CSNK2A1: variants seen among roughly 807,000 people sequenced by gnomAD.
CSNK2A1 encodes the protein casein kinase II subunit alpha.
Under a neutral mutation model 62.9 loss-of-function variants are expected in CSNK2A1, and 10 were observed. The ratio of observed to expected loss-of-function variants is 0.16; its 90% CI spans 0.10 to 0.27. CSNK2A1 has a LOEUF of 0.27. Among genes scored for constraint, CSNK2A1 ranks in the 10% least tolerant of loss-of-function variants. The probability of loss-of-function intolerance (pLI) is 1.00; values close to 1 mark genes in which losing one functional copy is unlikely to be tolerated. For missense variants in CSNK2A1, 160 were observed against 492.0 expected (o/e 0.33, Z 6.38); for synonymous variants, 124 against 167.8 (o/e 0.74, Z 2.02).
At chr20:515,062 C>T (rs2018799867) in intron 2 of CSNK2A1, among the ~76,000 whole-genome samples, 1 of 152,194 alleles carries the variant, frequency 6.6e-6, no homozygotes, top group Non-Finnish European at 1.5e-5. Context: ...GTGACCCATA[C>T]ATATTGTTTT....
intron 1 of CSNK2A1, among the ~76,000 whole-genome samples, chr20:529,998 C>T (rs2019180212): frequency 6.6e-6 from 1 of 152,098 alleles, no homozygotes; most frequent in East Asian, 1.9e-4. Flanking sequence ...GAGATAAAAT[C>T]CATGTAACAT....
intron 1 of CSNK2A1, among the ~76,000 whole-genome samples, chr20:542,076 T>A (rs1235202963): frequency 1.3e-5 from 2 of 152,162 alleles, no homozygotes; most frequent in African/African-American, 4.8e-5. Flanking sequence ...CTGTCTACAG[T>A]CAAATTCTTG....
In CSNK2A1 at chr20:476,104, T is replaced by C. The variant is rs373536446; in HGVS notation, c.*7857A>G. On this transcript the variant is annotated 3_prime_UTR_variant, in exon 14 of 14. Coordinates refer to ENST00000217244, the MANE Select transcript of CSNK2A1 (RefSeq NM_177559.3). The stretch of plus-strand genomic sequence containing the variant: ...TGCAAAAGCAGCCCCACAAGCAAAA[T>C]TGAGCCAGGAGACAGGGTTCTGATC... 4 of 152,242 alleles carry C rather than the reference T, an allele frequency of 2.6e-5. No homozygotes were observed. Among genetic ancestry groups the C allele is most frequent in the Non-Finnish European group, 1.5e-5 (1 of 68,080 alleles). 9.4% of individuals were successfully genotyped at this position (152,242 alleles called of 1,614,324 possible).
chr20:490,427 T>C (rs1382548313), intron 9 of CSNK2A1, among the ~76,000 whole-genome samples: 1 of 147,302 alleles, frequency 6.8e-6, no homozygotes, highest in East Asian at 2.0e-4. Flanking sequence ...TTTTTTTTTT[T>C]TGAGACAGAG....
intron 12 of CSNK2A1, 38 bp from the exon 13 acceptor site, chr20:486,500 T>C: frequency 6.2e-7 from 1 of 1,609,406 alleles, no homozygotes; most frequent in African/African-American, 1.3e-5. Flanking sequence ...CTGTTTTGCT[T>C]GAAAGATTAA....
chr20:486,722 C>T (rs1448273716), intron 12 of CSNK2A1: 12 of 402,792 alleles, frequency 3.0e-5, no homozygotes, highest in South Asian at 9.4e-5. Flanking sequence ...TATAGCAGAG[C>T]GAATTTAATG....
chr20:532,672 C>G (rs1279001434), intron 1 of CSNK2A1, among the ~76,000 whole-genome samples: 2 of 152,142 alleles, frequency 1.3e-5, no homozygotes, highest in Non-Finnish European at 2.9e-5. Flanking sequence ...TTGAGAAATT[C>G]TAGTTTAAAT....
intron 13 of CSNK2A1, among the ~76,000 whole-genome samples, chr20:484,694 TTGTGTG>T (rs3055006): frequency 1.8e-4 from 26 of 147,708 alleles, no homozygotes; most frequent in South Asian, 6.4e-4. Flanking sequence ...AATCATGTTT[TTGTGTG>T]TGTGTGTGTG....
At chr20:503,184 G>A (rs974096323) in intron 4 of CSNK2A1, 16 of 294,782 alleles carry the variant, frequency 5.4e-5, no homozygotes, top group Non-Finnish European at 7.5e-5. Context: ...CATTCTCATC[G>A]CCCAGGCTGG....
intron 1 of CSNK2A1, among the ~76,000 whole-genome samples, chr20:540,559 G>C (rs924885986): frequency 4.6e-5 from 7 of 152,006 alleles, no homozygotes; most frequent in Non-Finnish European, 7.4e-5. Flanking sequence ...TTTTTTGACA[G>C]GGTCTCACTC....
intron 1 of CSNK2A1, chr20:540,890 G>A (rs765745826): frequency 5.9e-5 from 9 of 152,252 alleles, no homozygotes; most frequent in Non-Finnish European, 8.8e-5. Flanking sequence ...AGGGTCTCAC[G>A]AGGCCAAAAA....
intron 2 of CSNK2A1, among the ~76,000 whole-genome samples, chr20:511,662 A>G (rs1246823527): frequency 3.3e-5 from 5 of 151,836 alleles, no homozygotes; most frequent in South Asian, 2.1e-4. Context: ...TAGAATTCCA[A>G]TCCTTTTAAA....
intron 2 of CSNK2A1, among the ~76,000 whole-genome samples, chr20:515,375 T>C (rs2018806742): frequency 6.6e-6 from 1 of 152,230 alleles, no homozygotes; most frequent in Non-Finnish European, 1.5e-5. Context: ...CAAACGAAGA[T>C]TCTGAATAGG....
intron 9 of CSNK2A1, among the ~76,000 whole-genome samples, chr20:491,705 C>T (rs995247700): frequency 4.6e-5 from 7 of 151,846 alleles, no homozygotes; most frequent in South Asian, 4.2e-4. Context: ...TGGTGGCTCA[C>T]GAGGGCAGGA....
rs961672230 is a variant in CSNK2A1, at chr20:473,594, A to G, written c.*10367T>C. 2 of 152,178 alleles carry G rather than the reference A, an allele frequency of 1.3e-5. No individual in the cohort carries two copies. Among genetic ancestry groups the G allele is most frequent in the African/African-American group, 2.4e-5 (1 of 41,438 alleles). The allele number at this position is 152,178 out of a possible 1,614,324, so 9.4% of individuals were successfully genotyped here. On this transcript the variant is annotated 3_prime_UTR_variant, in exon 14 of 14. Transcript: ENST00000217244. ...CTGTGATCCTTTCACAGTAGCTGCC[A>G]TTGTCTTCTTCCAGATCTTGAGACA...
chr20:508,722 T>C, intron 2 of CSNK2A1, 62 bp from the exon 3 acceptor site: 2 of 584,300 alleles, frequency 3.4e-6, no homozygotes, highest in South Asian at 4.7e-5. Context: ...GGGAAGGAAA[T>C]AATCTTACAA....
At chr20:525,576 G>A (rs565682385) in intron 2 of CSNK2A1, among the ~76,000 whole-genome samples, 42 of 150,854 alleles carry the variant, frequency 2.8e-4, no homozygotes, top group African/African-American at 8.5e-4. Context: ...GCGTGAACCC[G>A]GGAGGCAGAG....
chr20:493,830 C>T (rs2018289714), intron 8 of CSNK2A1, among the ~76,000 whole-genome samples: 1 of 152,112 alleles, frequency 6.6e-6, no homozygotes, highest in Admixed American at 6.6e-5. Context: ...GAGAATGCTA[C>T]AAAAATGGAG....
chr20:524,925 G>A (rs1012129480), intron 2 of CSNK2A1, among the ~76,000 whole-genome samples: 3 of 152,014 alleles, frequency 2.0e-5, no homozygotes, highest in Non-Finnish European at 4.4e-5. Flanking sequence ...ACCAGCCTGG[G>A]CAACACAGCA....
Sources: allele counts gnomAD v4.1 joint callset (sites outside exome capture counted in the v4.1 genomes callset), GRCh38; gene constraint gnomAD v4.1.1; transcripts MANE v1.5; gene names NCBI Gene and HGNC (gene_info 2026-07-23, HGNC 2026-07-21).